The following LPP variants were observed in gnomAD, a reference collection of about 807,000 sequenced individuals.
LPP encodes lipoma-preferred partner.
A neutral mutation model predicts 60.4 loss-of-function variants in LPP; 38 were observed. The observed-to-expected ratio is 0.63, with a 90% CI of 0.49 to 0.83. The LOEUF is 0.83. LPP is among the 40% of genes least tolerant of loss of function. The probability of loss-of-function intolerance (pLI) is 0.00; values close to 1 mark genes in which losing one functional copy is unlikely to be tolerated. For synonymous variants in LPP, 328 were observed against 290.8 expected, an observed-to-expected ratio of 1.13 and a Z score of -1.30; for missense variants, 902 against 783.6, an observed-to-expected ratio of 1.15 and a Z score of -1.80.
chr3:188,262,746 G>A (rs1007814305), intron 2 of LPP, among the ~76,000 whole-genome samples: 6 of 149,980 alleles, frequency 4.0e-5, no homozygotes, highest in Non-Finnish European at 4.4e-5. Flanking sequence ...ACACACACAC[G>A]GGGAAAAAAA....
intron 3 of LPP, among the ~76,000 whole-genome samples, chr3:188,381,542 A>C (rs1776879118): frequency 6.6e-6 from 1 of 152,232 alleles, no homozygotes; most frequent in South Asian, 2.1e-4. Context: ...TGGGGAAAGC[A>C]AAGTACCCGA....
In LPP at chr3:188,218,523, C is replaced by T. The variant is rs535565770; in HGVS notation, c.-189-6882C>T. Among the ~76,000 whole-genome samples the T allele has an allele frequency of 7.9e-5, 12 of 152,290 alleles. No individual in the cohort carries two copies. The East Asian group carries it at 9.6e-4, about 12-fold the overall frequency. ...AACTCATTTCTGAGGCTTTCTCATG[C>T]GCCCCTCTTGCAGTCTGTAGTTACC... is the stretch of plus-strand genomic sequence containing the variant. On this transcript the variant is annotated intron_variant, in intron 1 of 11. Transcript: ENST00000617246.
Position 188,609,937 on chromosome 3 carries a change from T to C in LPP, c.1113+93T>C, listed in dbSNP as rs1207542923. ...GCGAAGCCTAAGGCAAAAGTGTGTGTGTTACTTTTATTTCACTGACAAATA... is the reference window on the plus strand; with the variant it reads ...GCGAAGCCTAAGGCAAAAGTGTGTGCGTTACTTTTATTTCACTGACAAATA... On this transcript the variant is annotated intron_variant, in intron 7 of 11. Transcript: ENST00000617246. This position sits in a 1 kb window ranked among gnomAD's most constrained non-coding sequence, Gnocchi z 6.9. 8.1e-7 allele frequency: 1 copy of C among 1,229,308 alleles called. No individual in the cohort carries two copies. Among genetic ancestry groups the C allele is most frequent in the Non-Finnish European group, 1.1e-6 (1 of 882,024 alleles). The allele number at this position is 1,229,308 out of a possible 1,614,324, so 76.2% of individuals were successfully genotyped here.
chr3:188,434,713 C>T (rs999459751), intron 4 of LPP, among the ~76,000 whole-genome samples: 10 of 152,188 alleles, frequency 6.6e-5, no homozygotes, highest in African/African-American at 1.9e-4. Context: ...CAAGAAGCAC[C>T]GGACTGGACT....
chr3:188,867,623 C>T (rs1767013062), intron 10 of LPP, among the ~76,000 whole-genome samples: 1 of 152,192 alleles, frequency 6.6e-6, no homozygotes, highest in African/African-American at 2.4e-5. Flanking sequence ...GTATTACAGG[C>T]ATGAACCACT....
chr3:188,519,904 C>T (rs2150127623), intron 5 of LPP, among the ~76,000 whole-genome samples: 1 of 152,294 alleles, frequency 6.6e-6, no homozygotes, highest in African/African-American at 2.4e-5. Flanking sequence ...ATTGCTGGTA[C>T]TCCTCGTCTA....
intron 9 of LPP, among the ~76,000 whole-genome samples, chr3:188,846,484 G>A (rs893685845): frequency 6.6e-6 from 1 of 152,006 alleles, no homozygotes; most frequent in Non-Finnish European, 1.5e-5. Context: ...AGGGGTTCAA[G>A]ACCAGCCTGG....
chr3:188,298,736 G>T (rs961131166), intron 2 of LPP, among the ~76,000 whole-genome samples: 3 of 152,230 alleles, frequency 2.0e-5, no homozygotes, highest in Admixed American at 2.0e-4. Flanking sequence ...TGTGGTCTCA[G>T]CTGGAGAGGA....
intron 6 of LPP, among the ~76,000 whole-genome samples, chr3:188,546,902 A>C: frequency 6.6e-6 from 1 of 152,244 alleles, no homozygotes; most frequent in African/African-American, 2.4e-5. Flanking sequence ...TACTGAATGC[A>C]GGACACTGCA....
At chr3:188,814,384 T>C (rs533695601) in intron 9 of LPP, among the ~76,000 whole-genome samples, 6 of 152,194 alleles carry the variant, frequency 3.9e-5, no homozygotes, top group Non-Finnish European at 8.8e-5. Flanking sequence ...GAGGTGAAGA[T>C]AGTTAATATC....
At position 188,326,980 on chromosome 3, in the gene LPP, G is replaced by A. The variant is rs139030846; in HGVS notation, c.-66-14683G>A. Among the ~76,000 whole-genome samples the A allele has an allele frequency of 1.0e-3, 155 of 152,234 alleles. 2 individuals carry two copies. The highest frequency in any genetic ancestry group is 3.5e-3 in the African/African-American group (147 of 41,542). ...CTTTTTGCCCAAACAAAGGAAAAAC[G>A]AAACTCTTCTCTTTATTCAAGAATG... On this transcript the variant is annotated intron_variant, in intron 2 of 11. Coordinates refer to ENST00000617246, the MANE Select transcript of LPP (RefSeq NM_001375462.1).
At chr3:188,160,575 A>C (rs1717963346) in intron 1 of LPP, among the ~76,000 whole-genome samples, 1 of 152,132 alleles carries the variant, frequency 6.6e-6, no homozygotes, top group Non-Finnish European at 1.5e-5. Context: ...GCCTGTTGTA[A>C]ACCTGTGATT....
intron 6 of LPP, among the ~76,000 whole-genome samples, chr3:188,525,134 T>G (rs1021919248): frequency 1.3e-5 from 2 of 151,976 alleles, no homozygotes; most frequent in African/African-American, 4.8e-5. Context: ...ACCTGGCTAA[T>G]TTTTGTATTT....
At chr3:188,642,264 C>T (rs1202308632) in intron 7 of LPP, among the ~76,000 whole-genome samples, 1 of 152,182 alleles carries the variant, frequency 6.6e-6, no homozygotes, top group Non-Finnish European at 1.5e-5. Flanking sequence ...GACAGTGACT[C>T]AGTGTGCCCT....
chr3:188,354,618 T>A (rs1361758895), intron 3 of LPP, among the ~76,000 whole-genome samples: 3 of 152,218 alleles, frequency 2.0e-5, no homozygotes, highest in Admixed American at 2.0e-4. Context: ...ATTATATTAT[T>A]TGAAGTTAGA....
chr3:188,721,424 C>A (rs773300059), intron 8 of LPP, among the ~76,000 whole-genome samples: 5 of 152,126 alleles, frequency 3.3e-5, no homozygotes, highest in Non-Finnish European at 7.4e-5. Flanking sequence ...TATAGTGATG[C>A]ACATCTGTGG....
At chr3:188,760,650 T>G (rs922627160) in intron 9 of LPP, among the ~76,000 whole-genome samples, 1 of 152,172 alleles carries the variant, frequency 6.6e-6, no homozygotes, top group African/African-American at 2.4e-5. Context: ...ACACCTCTTA[T>G]AAGATCTCAC....
chr3:188,700,469 T>C (rs766131550), intron 7 of LPP, among the ~76,000 whole-genome samples: 5 of 152,200 alleles, frequency 3.3e-5, no homozygotes, highest in Non-Finnish European at 7.3e-5. Context: ...GATGGTGTGG[T>C]GTTTTCCTGG....
At chr3:188,659,719 C>T (rs1195054931) in intron 7 of LPP, among the ~76,000 whole-genome samples, 1 of 152,056 alleles carries the variant, frequency 6.6e-6, no homozygotes, top group Non-Finnish European at 1.5e-5. Context: ...TCAGCCTTCT[C>T]TCATGGAACC....
Sources: gnomAD v4.1 joint callset for allele counts (sites outside exome capture counted in the v4.1 genomes callset) on GRCh38, gnomAD v4.1.1 for gene constraint, Gnocchi (gnomAD v3.1) non-coding constraint, MANE v1.5 for transcripts, NCBI Gene and HGNC (gene_info 2026-07-23, HGNC 2026-07-21) for gene names.